CYLD: variants seen among roughly 807,000 people sequenced by gnomAD.
CYLD encodes CYLD lysine 63 deubiquitinase.
In CYLD, 26 loss-of-function variants were observed where a neutral mutation model predicts 104.5. The observed-to-expected ratio is 0.25, with a 90% CI of 0.18 to 0.35. CYLD has a LOEUF of 0.35. CYLD is among the 10% of genes least tolerant of loss of function. The pLI, the probability that CYLD is intolerant of heterozygous loss-of-function variation, is 1.00. For missense variants in CYLD, 703 were observed against 1,136.1 expected (o/e 0.62, Z 5.48); for synonymous variants, 385 against 399.9 (o/e 0.96, Z 0.45).
At chr16:50,789,722 A>ATAAG (rs1335050850) in intron 14 of CYLD, among the ~76,000 whole-genome samples, 4 of 152,230 alleles carry the variant, frequency 2.6e-5, no homozygotes, top group Non-Finnish European at 5.9e-5. Flanking sequence ...AAATAGGAGG[A>ATAAG]TAAGTACCTT....
At chr16:50,748,921 G>A (rs1224563584) in intron 2 of CYLD, among the ~76,000 whole-genome samples, 1 of 152,220 alleles carries the variant, frequency 6.6e-6, no homozygotes, top group Non-Finnish European at 1.5e-5. Context: ...CAGAATATGG[G>A]ACAGGCCTGG....
In CYLD at chr16:50,750,033, T is replaced by A. The variant is rs760665500; in HGVS notation, c.335T>A (p.Leu112Gln). The change falls in exon 3 of 19, where the codon CTG (leucine) becomes CAG (glutamine). Residue 112 changes from leucine (L) to glutamine (Q), a missense_variant. Leu to Gln is a moderately radical substitution (Grantham distance 113). Transcript: ENST00000427738. ...ACCAATTGTGAGGAGAGGTTCAGCC[T>A]GTTTAAAAACAGAAACAGACTAAGT... ...AITNCEERFS[L>Q]FKNRNRLSKG... 2 of 1,614,174 alleles carry A rather than the reference T, an allele frequency of 1.2e-6. No individual in the cohort carries two copies. Among genetic ancestry groups the A allele is most frequent in the African/African-American group, 2.7e-5 (2 of 75,052 alleles).
Position 50,744,425 on chromosome 16 carries a change from CACA to C in CYLD, c.-124+1585_-124+1587del, listed in dbSNP as rs1245463526. The stretch of plus-strand genomic sequence containing the variant: ...ATCCAGAAGCTTTTGGAAAAAGGCC[CACA>C]TGTCTTCTTTCTTTGGTGTTCAAGC... On this transcript the variant is annotated intron_variant, in intron 2 of 18. Transcript: ENST00000427738. Among the ~76,000 whole-genome samples, 4 of 152,270 alleles carry C rather than the reference CACA, an allele frequency of 2.6e-5. No individual in the cohort carries two copies. The East Asian group carries it at 5.8e-4, about 22-fold the overall frequency.
rs1970597842 is a variant in CYLD, at chr16:50,784,425, G to A, written c.1923G>A (p.Arg641=). The A allele has an allele frequency of 1.2e-6, 2 of 1,613,172 alleles. No individual in the cohort carries two copies. Among genetic ancestry groups the A allele is most frequent in the Admixed American group, 1.7e-5 (1 of 59,994 alleles). The change falls in exon 12 of 19, where the codon AGG becomes AGA. Residue 641 remains arginine (R), a synonymous_variant. Transcript: ENST00000427738. ...EYYSETQELL[R]TEIVNPLRIY... ...ATAGTGAAACCCAAGAGCTACTGAGGACAGAAATTGTTAATCCTCTGAGAA... is the reference window on the plus strand; with the variant it reads ...ATAGTGAAACCCAAGAGCTACTGAGAACAGAAATTGTTAATCCTCTGAGAA...
chr16:50,767,876 GA>G (rs916447528), intron 5 of CYLD, among the ~76,000 whole-genome samples: 5 of 152,006 alleles, frequency 3.3e-5, no homozygotes, highest in Admixed American at 6.6e-5. Context: ...GCAAAGCAAA[GA>G]AAAAAACCAC....
chr16:50,777,715 G>T (rs1230596574), intron 7 of CYLD, 110 bp from the exon 8 acceptor site: 3 of 693,526 alleles, frequency 4.3e-6, no homozygotes, highest in Non-Finnish European at 5.2e-6. Flanking sequence ...ACATTTATTG[G>T]TTATGTAAAC....
intron 5 of CYLD, among the ~76,000 whole-genome samples, chr16:50,771,708 A>G (rs1016712641): frequency 6.6e-6 from 1 of 152,202 alleles, no homozygotes; most frequent in Non-Finnish European, 1.5e-5. Flanking sequence ...ATTTAAGTCT[A>G]TAATCTATTT....
chr16:50,767,388 A>G (rs1394664104), intron 5 of CYLD, among the ~76,000 whole-genome samples: 2 of 151,848 alleles, frequency 1.3e-5, no homozygotes, highest in East Asian at 3.9e-4. Context: ...CTTTATTGTG[A>G]TATTTGCTTT....
chr16:50,756,051 G>A (rs945191017), intron 5 of CYLD, among the ~76,000 whole-genome samples: 2 of 152,078 alleles, frequency 1.3e-5, no homozygotes, highest in African/African-American at 4.8e-5. Context: ...TATATTTTGA[G>A]TACATAAATG....
intron 10 of CYLD, among the ~76,000 whole-genome samples, chr16:50,781,673 A>C (rs1970227873): frequency 6.6e-6 from 1 of 152,092 alleles, no homozygotes; most frequent in South Asian, 2.1e-4. Flanking sequence ...TTGATGACAG[A>C]CATTTAGTTT....
chr16:50,744,695 A>G (rs768132191), intron 2 of CYLD: 2 of 152,370 alleles, frequency 1.3e-5, no homozygotes, highest in Admixed American at 6.5e-5. Context: ...TTCTGTAGCT[A>G]CTGATGTTCA....
At chr16:50,792,786 C>T (rs1971555768) in intron 16 of CYLD, 81 bp downstream of exon 16, 1 of 751,880 alleles carries the variant, frequency 1.3e-6, no homozygotes, top group Non-Finnish European at 2.3e-6. Context: ...GGGTTAGACT[C>T]TAACTGGACA....
chr16:50,783,942 T>A (rs1352281611), intron 11 of CYLD: 1 of 280,256 alleles, frequency 3.6e-6, no homozygotes, highest in African/African-American at 2.2e-5. Flanking sequence ...TGAATAGTGC[T>A]TGCCTCGGGA....
chr16:50,749,327 T>A (rs1205498899), intron 2 of CYLD, among the ~76,000 whole-genome samples: 3 of 152,258 alleles, frequency 2.0e-5, no homozygotes, highest in Non-Finnish European at 4.4e-5. Context: ...TTGTGTTGTC[T>A]TTGAAAGTAC....
rs898722390 is a variant in CYLD, at chr16:50,799,362, C to T, written c.*2854C>T. 3 of 233,404 alleles carry T rather than the reference C, an allele frequency of 1.3e-5. No individual in the cohort carries two copies. Among genetic ancestry groups the T allele is most frequent in the South Asian group, 1.8e-4 (1 of 5,518 alleles). The allele number at this position is 233,404 out of a possible 1,614,324, so 14.5% of individuals were successfully genotyped here. A position where few individuals can be genotyped will look rare whatever the true frequency, so the allele number is the denominator to read the frequency against. ...GGGGAAGGAGAGCAGTGTTATCATA[C>T]ATAGAGAGGCTAAATGTGTCCCATC... On this transcript the variant is annotated 3_prime_UTR_variant, in exon 19 of 19. Coordinates refer to ENST00000427738, the MANE Select transcript of CYLD (RefSeq NM_001378743.1).
rs1971803485 is a variant in CYLD, at chr16:50,794,627, T to TC, written c.2686+199_2686+200insC. The TC allele has an allele frequency of 1.6e-6, 1 of 619,256 alleles. No homozygotes were observed. The highest frequency in any genetic ancestry group is 2.8e-5 in the Admixed American group (1 of 36,156). 38.4% of individuals were successfully genotyped at this position (619,256 alleles called of 1,614,324 possible). ...AAGGAATAATATGCTGTGTTTTTTTTTTTCCTTTTTTGAGATGGAGTCTCA... is the reference window on the plus strand; with the variant it reads ...AAGGAATAATATGCTGTGTTTTTTTTCTTTCCTTTTTTGAGATGGAGTCTCA... On this transcript the variant is annotated intron_variant, in intron 18 of 18. Transcript: ENST00000427738. This position sits in a 1 kb window ranked among gnomAD's most constrained non-coding sequence, Gnocchi z 4.1.
chr16:50,796,867 G>T lies in CYLD; in HGVS notation c.*359G>T, dbSNP rs570093314. 1.4e-5 allele frequency: 5 copies of T among 351,782 alleles called. 1 individual carries two copies. The South Asian group carries it at 1.9e-4, about 13-fold the overall frequency. 21.8% of individuals were successfully genotyped at this position (351,782 alleles called of 1,614,324 possible). Reference sequence around the variant, plus strand: ...TAGTCCATTGAGAATGTAAATAAATGTGTCTTCTTTATGGACCAAGGATAT... The same window carrying T: ...TAGTCCATTGAGAATGTAAATAAATTTGTCTTCTTTATGGACCAAGGATAT... On this transcript the variant is annotated 3_prime_UTR_variant, in exon 19 of 19. Coordinates refer to ENST00000427738, the MANE Select transcript of CYLD (RefSeq NM_001378743.1).
chr16:50,787,582 T>C (rs1970980302), intron 13 of CYLD: 1 of 497,698 alleles, frequency 2.0e-6, no homozygotes, highest in Admixed American at 3.6e-5. Flanking sequence ...ACAACAAAAT[T>C]GAAACATAAT....
chr16:50,796,626 C>A lies in CYLD; in HGVS notation c.*118C>A, dbSNP rs1374641192. On this transcript the variant is annotated 3_prime_UTR_variant, in exon 19 of 19. Transcript: ENST00000427738. ...CAATGGATGTCTTTGTGGTGATGAT[C>A]CTTCAGAAAAGGATGCCTCTGTTTA... 1.9e-6 allele frequency: 2 copies of A among 1,072,596 alleles called. No individual in the cohort carries two copies. The highest frequency in any genetic ancestry group is 2.4e-5 in the East Asian group (1 of 41,822). 66.4% of individuals were successfully genotyped at this position (1,072,596 alleles called of 1,614,324 possible). A position where few individuals can be genotyped will look rare whatever the true frequency, so the allele number is the denominator to read the frequency against.
Sources: allele counts gnomAD v4.1 joint callset (sites outside exome capture counted in the v4.1 genomes callset), GRCh38; gene constraint gnomAD v4.1.1; non-coding constraint Gnocchi (gnomAD v3.1); transcripts MANE v1.5; gene names NCBI Gene and HGNC (gene_info 2026-07-23, HGNC 2026-07-21).